Variants in TENT2 observed in about 807,000 individuals in gnomAD.
The protein encoded by TENT2 is poly(A) RNA polymerase GLD2.
Under a neutral mutation model 72.2 loss-of-function variants are expected in TENT2, and 44 were observed. The ratio of observed to expected loss-of-function variants is 0.61; its 90% CI spans 0.48 to 0.78. The LOEUF is 0.78. TENT2 is among the 30% of genes least tolerant of loss of function. The pLI is 0.00. For missense variants in TENT2, 541 were observed against 569.6 expected (o/e 0.95, Z 0.51); for synonymous variants, 212 against 192.5 (o/e 1.10, Z -0.84).
intron 1 of TENT2, 50 bp from the exon 2 acceptor site, chr5:79,619,562 A>C: frequency 7.8e-7 from 1 of 1,277,160 alleles, no homozygotes; most frequent in Non-Finnish European, 1.1e-6. Context: ...CAAAGTGTTT[A>C]GTGTCTTTAA....
intron 11 of TENT2, among the ~76,000 whole-genome samples, chr5:79,658,919 T>C (rs1799913956): frequency 6.6e-6 from 1 of 152,188 alleles, no homozygotes; most frequent in South Asian, 2.1e-4. Context: ...TCTGGCCCTA[T>C]GCTTTCCATC....
At position 79,680,273 on chromosome 5, in the gene TENT2, G is replaced by T. The variant is rs532695456; in HGVS notation, c.1300+603G>T. Among the ~76,000 whole-genome samples the T allele has an allele frequency of 4.6e-5, 7 of 152,246 alleles. No homozygotes were observed. In the East Asian group the frequency reaches 1.3e-3, roughly 29 times the overall value. ...GCATTTGTAGAAAACATCAGATTTT[G>T]GATGTTTTAATCTTGAATTATATGC... On this transcript the variant is annotated intron_variant, in intron 13 of 14. Coordinates refer to ENST00000453514, the MANE Select transcript of TENT2 (RefSeq NM_001114394.3).
chr5:79,663,885 G>A, intron 11 of TENT2, among the ~76,000 whole-genome samples: 1 of 152,166 alleles, frequency 6.6e-6, no homozygotes, highest in African/African-American at 2.4e-5. Flanking sequence ...AAAGTGAAGT[G>A]CAACAAAACG....
At chr5:79,623,770 G>A (rs1766990716) in intron 4 of TENT2, 1 of 217,148 alleles carries the variant, frequency 4.6e-6, no homozygotes, top group Non-Finnish European at 8.6e-6. Flanking sequence ...CTTGTTACTT[G>A]TTTTTACTGA....
At chr5:79,683,241 G>A (rs1356735104) in intron 14 of TENT2, among the ~76,000 whole-genome samples, 1 of 151,870 alleles carries the variant, frequency 6.6e-6, no homozygotes, top group African/African-American at 2.4e-5. Context: ...ATTGCTTGAG[G>A]CCAGGAGTTT....
In TENT2 at chr5:79,623,583, C is replaced by T. The variant is rs528051498; in HGVS notation, c.465+94C>T. 92 of 862,348 alleles carry T rather than the reference C, an allele frequency of 1.1e-4. No homozygotes were observed. The South Asian group carries it at 1.7e-3, about 16-fold the overall frequency. 53.4% of individuals were successfully genotyped at this position (862,348 alleles called of 1,614,324 possible). A position where few individuals can be genotyped will look rare whatever the true frequency, so the allele number is the denominator to read the frequency against. On this transcript the variant is annotated intron_variant, in intron 4 of 14. Coordinates refer to ENST00000453514, the MANE Select transcript of TENT2 (RefSeq NM_001114394.3). ...ATTTAATATCCTGGATTAAGTAGAA[C>T]GTGCCTTTTTTTGTTGCAATGTTTA... is the stretch of plus-strand genomic sequence containing the variant.
At chr5:79,627,094 C>T (rs1453492872) in intron 4 of TENT2, among the ~76,000 whole-genome samples, 2 of 151,234 alleles carry the variant, frequency 1.3e-5, no homozygotes, top group African/African-American at 2.4e-5. Flanking sequence ...CATGCCACTG[C>T]CGTCCAGCCT....
chr5:79,669,234 T>A (rs1810971182), intron 12 of TENT2, among the ~76,000 whole-genome samples: 1 of 152,226 alleles, frequency 6.6e-6, no homozygotes, highest in Non-Finnish European at 1.5e-5. Flanking sequence ...TAGATAGATT[T>A]TATATTCTTA....
chr5:79,619,360 A>G (rs552044410), intron 1 of TENT2, among the ~76,000 whole-genome samples: 12 of 152,338 alleles, frequency 7.9e-5, no homozygotes, highest in Admixed American at 2.0e-4. Context: ...GGGTAAAAGT[A>G]TTAGGGTAAA....
At chr5:79,656,768 T>G (rs1798267302) in intron 10 of TENT2, 190 bp from the exon 11 acceptor site, 1 of 498,958 alleles carries the variant, frequency 2.0e-6, no homozygotes, top group Admixed American at 3.6e-5. Flanking sequence ...TAATAAAACC[T>G]TAGTTTGTCA....
Position 79,685,354 on chromosome 5 carries a change from A to G in TENT2, c.*81A>G. ...ATAATACATTATGTTTACCTCCATCATAGTTGCTTTTTTCATAGTTCTTGT... is the reference window on the plus strand; with the variant it reads ...ATAATACATTATGTTTACCTCCATCGTAGTTGCTTTTTTCATAGTTCTTGT... On this transcript the variant is annotated 3_prime_UTR_variant, in exon 15 of 15. Coordinates refer to ENST00000453514, the MANE Select transcript of TENT2 (RefSeq NM_001114394.3). 1.0e-6 allele frequency: 1 copy of G among 1,004,756 alleles called. No individual in the cohort carries two copies. The highest frequency in any genetic ancestry group is 1.4e-6 in the Non-Finnish European group (1 of 698,118). 62.2% of individuals were successfully genotyped at this position (1,004,756 alleles called of 1,614,324 possible). A position where few individuals can be genotyped will look rare whatever the true frequency, so the allele number is the denominator to read the frequency against.
intron 3 of TENT2, among the ~76,000 whole-genome samples, chr5:79,622,293 T>C (rs62364130): frequency 0.2 from 30,799 of 151,776 alleles, 4,602 homozygotes; most frequent in African/African-American, 0.42. Context: ...AGAGGAAGAC[T>C]CTGTCTCAAA....
chr5:79,657,453 G>C (rs1349944501), intron 11 of TENT2, among the ~76,000 whole-genome samples: 1 of 152,070 alleles, frequency 6.6e-6, no homozygotes, highest in Non-Finnish European at 1.5e-5. Context: ...ATTTGATCTT[G>C]CTAAGTAATA....
chr5:79,687,616 G>A lies in TENT2; in HGVS notation c.*2343G>A, dbSNP rs1302753263. ...ATGACAAGACAAAAAGTCTATACCT[G>A]TTCGGTACAGATGCAACCATTCTGC... On this transcript the variant is annotated 3_prime_UTR_variant, in exon 15 of 15. Transcript: ENST00000453514. Among the ~76,000 whole-genome samples the A allele has an allele frequency of 6.6e-6, 1 of 152,142 alleles. No individual in the cohort carries two copies. Among genetic ancestry groups the A allele is most frequent in the Non-Finnish European group, 1.5e-5 (1 of 68,024 alleles).
At chr5:79,640,152 A>G (rs1380677893) in intron 4 of TENT2, among the ~76,000 whole-genome samples, 1 of 151,864 alleles carries the variant, frequency 6.6e-6, no homozygotes, top group African/African-American at 2.4e-5. Context: ...GCTACTTGGG[A>G]CGCTGAGGCA....
chr5:79,665,823 C>T (rs895378283), intron 11 of TENT2, among the ~76,000 whole-genome samples: 8 of 152,142 alleles, frequency 5.3e-5, no homozygotes, highest in Middle Eastern at 3.4e-3. Context: ...AATTTTAAGG[C>T]TGCTTTTTTT....
At chr5:79,648,726 CTTTT>C (rs1465263607) in intron 9 of TENT2, 33 bp downstream of exon 9, 2 of 1,458,356 alleles carry the variant, frequency 1.4e-6, no homozygotes, top group Non-Finnish European at 1.9e-6. Flanking sequence ...AAAAATTAGC[CTTTT>C]TTTCTTTATT....
intron 1 of TENT2, among the ~76,000 whole-genome samples, chr5:79,615,612 A>C (rs1403253447): frequency 6.6e-6 from 1 of 152,206 alleles, no homozygotes; most frequent in African/African-American, 2.4e-5. Flanking sequence ...TTAGGGAACC[A>C]GAGTAAAAAA....
At chr5:79,637,876 C>A (rs1377295342) in intron 4 of TENT2, among the ~76,000 whole-genome samples, 1 of 149,976 alleles carries the variant, frequency 6.7e-6, no homozygotes, top group African/African-American at 2.5e-5. Context: ...CAGCTCACTG[C>A]AACCTCTGCC....
Sources: allele counts gnomAD v4.1 joint callset (sites outside exome capture counted in the v4.1 genomes callset), GRCh38; gene constraint gnomAD v4.1.1; transcripts MANE v1.5; gene names NCBI Gene and HGNC (gene_info 2026-07-23, HGNC 2026-07-21).